Variants in COP1 observed in about 807,000 individuals in gnomAD.
COP1 encodes E3 ubiquitin-protein ligase COP1.
In COP1, 24 loss-of-function variants were observed where a neutral mutation model predicts 101.3. The observed-to-expected ratio is 0.24, with a 90% confidence interval of 0.17 to 0.33. The LOEUF is 0.33. COP1 is among the 10% of genes least tolerant of loss of function. The pLI is 1.00. For synonymous variants in COP1, 347 were observed against 341.9 expected (o/e 1.01, Z -0.17); for missense variants, 663 against 906.2 (o/e 0.73, Z 3.45).
intron 19 of COP1, among the ~76,000 whole-genome samples, chr1:175,945,517 T>C (rs759486813): frequency 1.2e-4 from 19 of 152,248 alleles, no homozygotes; most frequent in Non-Finnish European, 2.2e-4. Flanking sequence ...TTAAGTATCC[T>C]TGTTTAGGAT....
intron 1 of COP1, among the ~76,000 whole-genome samples, chr1:176,203,382 C>G (rs1457717259): frequency 6.6e-6 from 1 of 152,182 alleles, no homozygotes; most frequent in Non-Finnish European, 1.5e-5. Context: ...AGCTTACTAT[C>G]TACATGCAAA....
At chr1:176,196,573 G>C (rs768256512) in intron 1 of COP1, among the ~76,000 whole-genome samples, 1 of 152,214 alleles carries the variant, frequency 6.6e-6, no homozygotes, top group East Asian at 1.9e-4. Context: ...TAAAGAAATT[G>C]AATTAGTAAT....
At chr1:176,164,598 T>G (rs1694817780) in intron 3 of COP1, among the ~76,000 whole-genome samples, 1 of 152,136 alleles carries the variant, frequency 6.6e-6, no homozygotes. Context: ...GGGGATGATA[T>G]CTGGAACTGC....
intron 3 of COP1, among the ~76,000 whole-genome samples, chr1:176,166,360 C>T (rs993367745): frequency 2.0e-5 from 3 of 152,134 alleles, no homozygotes; most frequent in East Asian, 1.9e-4. Flanking sequence ...CTCTTGGCCT[C>T]GAGTGATCCG....
At chr1:175,988,074 G>A (rs775682640) in intron 17 of COP1, among the ~76,000 whole-genome samples, 12 of 152,192 alleles carry the variant, frequency 7.9e-5, no homozygotes, top group Non-Finnish European at 1.5e-4. Flanking sequence ...GGTATTTGAG[G>A]TGTTCAGGGT....
At chr1:176,094,242 T>G (rs1277559313) in intron 9 of COP1, among the ~76,000 whole-genome samples, 1 of 152,136 alleles carries the variant, frequency 6.6e-6, no homozygotes, top group East Asian at 1.9e-4. Context: ...TGACATTTCT[T>G]AAATTTATTC....
intron 8 of COP1, among the ~76,000 whole-genome samples, chr1:176,130,343 T>C (rs533621708): frequency 1.9e-4 from 29 of 151,926 alleles, no homozygotes; most frequent in African/African-American, 6.3e-4. Context: ...AAAGAGACTA[T>C]GCTTGCCTAC....
At chr1:176,020,898 T>C (rs534185434) in intron 15 of COP1, among the ~76,000 whole-genome samples, 1 of 152,348 alleles carries the variant, frequency 6.6e-6, no homozygotes, top group East Asian at 1.9e-4. Flanking sequence ...CAATGAGTTA[T>C]AAAATACTAA....
intron 18 of COP1, among the ~76,000 whole-genome samples, chr1:175,966,658 C>T (rs1159316546): frequency 5.3e-5 from 8 of 152,186 alleles, no homozygotes; most frequent in Non-Finnish European, 1.0e-4. Context: ...AGAAAGGTGT[C>T]TTGGGTGGTC....
intron 12 of COP1, among the ~76,000 whole-genome samples, chr1:176,045,668 G>T (rs1361605181): frequency 6.6e-6 from 1 of 150,816 alleles, no homozygotes; most frequent in East Asian, 1.9e-4. Flanking sequence ...CATACTGTTA[G>T]TGTTTAAGAG....
At chr1:175,945,339 G>A (rs903260751) in intron 19 of COP1, among the ~76,000 whole-genome samples, 169 bp from the exon 20 acceptor site, 2 of 152,218 alleles carry the variant, frequency 1.3e-5, no homozygotes, top group African/African-American at 4.8e-5. Flanking sequence ...TTTTTGACCT[G>A]CAGCTTAACA....
At chr1:176,146,006 ACT>A (rs1270020836) in intron 6 of COP1, among the ~76,000 whole-genome samples, 1 of 152,222 alleles carries the variant, frequency 6.6e-6, no homozygotes, top group Admixed American at 6.5e-5. Flanking sequence ...TGGTTTATAT[ACT>A]TTTTTGTGTT....
intron 8 of COP1, among the ~76,000 whole-genome samples, chr1:176,134,713 T>C (rs571951675): frequency 1.8e-4 from 28 of 152,200 alleles, no homozygotes; most frequent in Admixed American, 2.6e-4. Context: ...GATTTTTGAA[T>C]GTCATCTGAC....
intron 14 of COP1, 45 bp from the exon 15 acceptor site, chr1:176,027,733 C>T: frequency 1.8e-6 from 2 of 1,125,684 alleles, no homozygotes; most frequent in Non-Finnish European, 2.7e-6. Flanking sequence ...ACAAGTAATA[C>T]ATTAGTAAAT....
intron 18 of COP1, among the ~76,000 whole-genome samples, chr1:175,957,658 C>CATGT (rs1033527220): frequency 3.9e-5 from 6 of 152,178 alleles, no homozygotes; most frequent in African/African-American, 1.2e-4. Flanking sequence ...AACTACTCTA[C>CATGT]AATCTCATAA....
At chr1:175,950,400 A>G (rs912696856) in intron 18 of COP1, among the ~76,000 whole-genome samples, 1 of 152,126 alleles carries the variant, frequency 6.6e-6, no homozygotes, top group Non-Finnish European at 1.5e-5. Flanking sequence ...CTTAAGATAA[A>G]TTATTTTTTT....
At chr1:176,151,334 A>G (rs1572541183) in intron 5 of COP1, among the ~76,000 whole-genome samples, 2 of 144,656 alleles carry the variant, frequency 1.4e-5, no homozygotes, top group Non-Finnish European at 3.0e-5. Flanking sequence ...AAAGAAAGAA[A>G]GAAGGAAGGA....
intron 15 of COP1, among the ~76,000 whole-genome samples, chr1:176,026,875 A>G (rs1667760095): frequency 6.6e-6 from 1 of 152,140 alleles, no homozygotes; most frequent in South Asian, 2.1e-4. Flanking sequence ...GGAAAATATG[A>G]AAGATAAAAA....
intron 7 of COP1, 31 bp from the exon 8 acceptor site, chr1:176,135,117 A>T: frequency 7.3e-7 from 1 of 1,365,446 alleles, no homozygotes; most frequent in Non-Finnish European, 1.0e-6. Flanking sequence ...ATTATAGTAG[A>T]TATTTCAAAT....
Sources: allele counts gnomAD v4.1 joint callset (sites outside exome capture counted in the v4.1 genomes callset), GRCh38; gene constraint gnomAD v4.1.1; transcripts MANE v1.5; gene names NCBI Gene and HGNC (gene_info 2026-07-23, HGNC 2026-07-21).